The following MRPL43 variants were observed in gnomAD, a reference collection of about 807,000 sequenced individuals.
MRPL43 encodes the protein large ribosomal subunit protein mL43.
Under a neutral mutation model 12.7 loss-of-function variants are expected in MRPL43, and 9 were observed. The ratio of observed to expected loss-of-function variants is 0.71; its 90% CI spans 0.43 to 1.24. The LOEUF is 1.24. MRPL43 is among the 50% of genes most tolerant of loss of function. MRPL43 has a pLI of 0.00. For missense variants in MRPL43, 211 were observed against 229.2 expected (o/e 0.92, Z 0.51); for synonymous variants, 116 against 96.4 (o/e 1.20, Z -1.19).
At chr10:100,986,261 G>A (rs1421513718), downstream of MRPL43, 3 of 1,326,654 alleles carry the variant, frequency 2.3e-6, no homozygotes, top group Non-Finnish European at 2.9e-6. Flanking sequence ...ACATTTTGAA[G>A]ACAGACCTGA....
downstream of MRPL43, chr10:100,979,374 T>G: frequency 1.5e-5 from 23 of 1,584,612 alleles, no homozygotes; most frequent in Admixed American, 9.2e-5. Context: ...GAGGTCTGGC[T>G]GCAAAGTGAG....
downstream of MRPL43, among the ~76,000 whole-genome samples, chr10:100,981,850 G>C (rs1225693782): frequency 1.3e-5 from 2 of 152,032 alleles, no homozygotes; most frequent in Non-Finnish European, 2.9e-5. Context: ...TTGAGCTCAG[G>C]AATTGGAGAC....
downstream of MRPL43, chr10:100,983,622 G>A (rs774521972): frequency 8.7e-6 from 14 of 1,614,028 alleles, no homozygotes; most frequent in Non-Finnish European, 7.6e-6. Context: ...GGCACAGCTG[G>A]CACCTGATGT....
At chr10:100,983,565 C>T (rs781268916), downstream of MRPL43, 12 of 1,613,636 alleles carry the variant, frequency 7.4e-6, no homozygotes, top group Middle Eastern at 1.6e-4. Flanking sequence ...TCTCACAGTC[C>T]GGCCAGCCAC....
rs770570862 is a variant in MRPL43, at chr10:100,987,384, A to G, written c.60T>C (p.Gly20=). The part of the protein sequence containing the change: ...FLASVLHNGL[G]RYVQQLQRLS... ...GACGCTGCAGCTGCTGCACATAGCGACCCAGTCCGTTGTGGAGAACGCTGG... is the reference window on the plus strand; with the variant it reads ...GACGCTGCAGCTGCTGCACATAGCGGCCCAGTCCGTTGTGGAGAACGCTGG... The change falls in exon 1 of 3, where the codon GGT becomes GGC. Residue 20 remains glycine, a synonymous_variant. Transcript: ENST00000318364. 6.2e-7 allele frequency: 1 copy of G among 1,612,482 alleles called. No individual in the cohort carries two copies. Among genetic ancestry groups the G allele is most frequent in the African/African-American group, 1.3e-5 (1 of 74,920 alleles).
downstream of MRPL43, chr10:100,984,706 G>C: frequency 1.3e-6 from 2 of 1,536,076 alleles, no homozygotes; most frequent in Non-Finnish European, 1.7e-6. Flanking sequence ...TCTGGACTTG[G>C]GGTACCCTCC....
At chr10:100,978,253 CCT>C, downstream of MRPL43, 1 of 1,487,162 alleles carries the variant, frequency 6.7e-7, no homozygotes, top group Non-Finnish European at 9.3e-7. Context: ...ACTGTCCCTG[CCT>C]GTCTTCGGAA....
chr10:100,984,987 C>G (rs760046546), downstream of MRPL43: 11 of 1,322,054 alleles, frequency 8.3e-6, no homozygotes, highest in Non-Finnish European at 1.1e-5. Flanking sequence ...ACATGCACCT[C>G]TGAGCCTCCC....
At chr10:100,979,474 C>A (rs559177508), downstream of MRPL43, 28 of 1,381,254 alleles carry the variant, frequency 2.0e-5, no homozygotes, top group Non-Finnish European at 2.5e-5. Flanking sequence ...TCTCCGCCTC[C>A]CGGGTTCAAG....
downstream of MRPL43, chr10:100,978,978 G>A (rs201790937): frequency 7.7e-5 from 125 of 1,614,172 alleles, no homozygotes; most frequent in East Asian, 8.9e-5. Flanking sequence ...ACTCAGAGCC[G>A]CAGCAGTCAC....
At position 100,987,223 on chromosome 10, in the gene MRPL43, A is replaced by T. The variant is rs185483012; in HGVS notation, c.132-27T>A. On this transcript the variant is annotated intron_variant, in intron 1 of 2. Transcript: ENST00000318364. ...TAAGCGACCCGGGACAGTGAGCAGT[A>T]TGACCCCTGACTGGGGGCGACCTAC... 253 of 1,613,476 alleles carry T rather than the reference A, an allele frequency of 1.6e-4. 2 individuals are homozygous for T. The highest frequency in any genetic ancestry group is 3.7e-4 in the Admixed American group (22 of 60,024).
chr10:100,983,690 C>T (rs749539011), downstream of MRPL43: 6 of 1,613,586 alleles, frequency 3.7e-6, no homozygotes, highest in Non-Finnish European at 5.1e-6. Flanking sequence ...TCATCCTGGC[C>T]TCCTCCCTCC....
rs1261393184 is a variant in MRPL43, at chr10:100,987,097, G to T, written c.231C>A (p.Ala77=). The change falls in exon 2 of 3, where the codon GCC becomes GCA. Residue 77 remains alanine, a synonymous_variant. Coordinates refer to ENST00000318364, the MANE Select transcript of MRPL43 (RefSeq NM_032112.3). Reference sequence around the variant, plus strand: ...GAGCCCGGCCCCACTCACGGTATTCGGCCACTACTCTGGGCACGCAGCACG... The same window carrying T: ...GAGCCCGGCCCCACTCACGGTATTCTGCCACTACTCTGGGCACGCAGCACG... ...SRPCCVPRVV[A]EYLNGAVREE... is the part of the protein sequence containing the mutation. 2 of 1,613,358 alleles carry T rather than the reference G, an allele frequency of 1.2e-6. No homozygotes were observed. The highest frequency in any genetic ancestry group is 1.3e-5 in the African/African-American group (1 of 74,902).
At chr10:100,979,924 G>T, downstream of MRPL43, 2 of 1,614,122 alleles carry the variant, frequency 1.2e-6, no homozygotes, top group Non-Finnish European at 1.7e-6. Flanking sequence ...ACCCTATATG[G>T]AATACCAGGA....
At chr10:100,982,709 G>A (rs1319921703), downstream of MRPL43, among the ~76,000 whole-genome samples, 1 of 152,188 alleles carries the variant, frequency 6.6e-6, no homozygotes, top group South Asian at 2.1e-4. Flanking sequence ...AGATAATCGC[G>A]TGAACCAGGG....
chr10:100,978,424 T>A, downstream of MRPL43: 1 of 1,605,048 alleles, frequency 6.2e-7, no homozygotes, highest in African/African-American at 1.3e-5. Context: ...AGACATGGTA[T>A]TTTTAGGATG....
At chr10:100,979,074 C>T (rs780999876), downstream of MRPL43, 10 of 1,613,328 alleles carry the variant, frequency 6.2e-6, no homozygotes, top group Middle Eastern at 3.3e-4. Context: ...TGACCCTGGC[C>T]CCTTATCCCG....
At chr10:100,981,040 G>A (rs776058792), downstream of MRPL43, 1 of 1,596,090 alleles carries the variant, frequency 6.3e-7, no homozygotes, top group Non-Finnish European at 8.5e-7. Context: ...GGTCTGAGTG[G>A]AGGAGGAAGG....
chr10:100,984,340 C>T (rs1242406016), downstream of MRPL43: 3 of 1,441,804 alleles, frequency 2.1e-6, no homozygotes, highest in East Asian at 2.5e-5. Context: ...AGCCCAGGCC[C>T]ATCGGTGCTC....
Sources: gnomAD v4.1 joint callset for allele counts (sites outside exome capture counted in the v4.1 genomes callset) on GRCh38, gnomAD v4.1.1 for gene constraint, MANE v1.5 for transcripts, NCBI Gene and HGNC (gene_info 2026-07-23, HGNC 2026-07-21) for gene names.